Variants in ATP5F1A observed in about 807,000 individuals in gnomAD.
The protein encoded by ATP5F1A is ATP synthase F(1) complex subunit alpha, mitochondrial.
ATP5F1A carries 24 observed loss-of-function variants against 57.4 expected under a neutral mutation model. The observed-to-expected ratio is 0.42, with a 90% CI of 0.30 to 0.59. ATP5F1A has a LOEUF of 0.59. Among genes scored for constraint, ATP5F1A ranks in the 20% least tolerant of loss-of-function variants. ATP5F1A has a pLI of 0.19. For missense variants in ATP5F1A, 494 were observed against 707.9 expected (o/e 0.70, Z 3.43); for synonymous variants, 251 against 255.5 (o/e 0.98, Z 0.17).
At chr18:46,085,964 C>T (rs761096175) in intron 10 of ATP5F1A, 149 bp downstream of exon 10, 1 of 814,112 alleles carries the variant, frequency 1.2e-6, no homozygotes, top group Non-Finnish European at 1.8e-6. Flanking sequence ...AATCAAAAAA[C>T]AAATGTAGTT....
chr18:46,097,739 A>G (rs1005966522), intron 1 of ATP5F1A: 9 of 850,896 alleles, frequency 1.1e-5, no homozygotes, highest in Non-Finnish European at 1.3e-5. Flanking sequence ...CCTTCACACA[A>G]TGTCAGACTC....
chr18:46,081,461 T>TTTA lies in ATP5F1A; in HGVS notation c.*2820_*2821insTAA, dbSNP rs1909732855. On this transcript the variant is annotated 3_prime_UTR_variant, in exon 12 of 12. Transcript: ENST00000398752. ...CGGTGGACCACCTAAGGTCAGGAGTTTGAGACCAGCCTGACCAACATGGAG... is the reference window on the plus strand; with the variant it reads ...CGGTGGACCACCTAAGGTCAGGAGTTTTATGAGACCAGCCTGACCAACATGGAG... 2.0e-5 allele frequency: 3 copies of TTTA among 151,450 alleles called. No homozygotes were observed. In the South Asian group the frequency reaches 6.2e-4, roughly 32 times the overall value. 9.4% of individuals were successfully genotyped at this position (151,450 alleles called of 1,614,324 possible). A position where few individuals can be genotyped will look rare whatever the true frequency, so the allele number is the denominator to read the frequency against.
At chr18:46,098,417 T>A, upstream of ATP5F1A, 3 of 1,364,012 alleles carry the variant, frequency 2.2e-6, no homozygotes, top group Non-Finnish European at 2.8e-6. Flanking sequence ...GGTTACTTAT[T>A]TTTTTATGTA....
Position 46,086,114 on chromosome 18 carries a change from A to G in ATP5F1A, c.1428T>C (p.Tyr476=). ...RLTELLKQGQ[Y]SPMAIEEQVA... is the part of the protein sequence containing the mutation. ...CAAATGAAGAAAAGAACAACTTACA[A>G]TACTGTCCTTGCTTCAGCAACTCAG... The change falls in exon 10 of 12, where the codon TAT becomes TAC. Residue 476 remains tyrosine (Y), a splice_region_variant and synonymous_variant. Transcript: ENST00000398752. The G allele has an allele frequency of 1.9e-6, 3 of 1,612,098 alleles. No homozygotes were observed. The highest frequency in any genetic ancestry group is 2.5e-6 in the Non-Finnish European group (3 of 1,179,954).
chr18:46,098,362 A>AACCCCCCCCCCCCCCCC (rs1555696620), upstream of ATP5F1A: 2 of 1,192,938 alleles, frequency 1.7e-6, no homozygotes, highest in Non-Finnish European at 1.1e-6. Flanking sequence ...CCTCGCGTTC[A>AACCCCCCCCCCCCCCCC]CCACCTCTCC....
rs919026024 is a variant in ATP5F1A, at chr18:46,087,443, G to A, written c.849C>T (p.Ala283=). ...AGTAAGGAGCCAGGTACTGAAGTGGGGCAGCATCCGAGGCCGTAGCCGACA... is the reference window on the plus strand; with the variant it reads ...AGTAAGGAGCCAGGTACTGAAGTGGAGCAGCATCCGAGGCCGTAGCCGACA... ...IVVSATASDA[A]PLQYLAPYSG... The change falls in exon 7 of 12, where the codon GCC becomes GCT. Residue 283 remains alanine (A), a synonymous_variant. Transcript: ENST00000398752. The A allele has an allele frequency of 6.2e-7, 1 of 1,614,150 alleles. No individual in the cohort carries two copies. Among genetic ancestry groups the A allele is most frequent in the Non-Finnish European group, 8.5e-7 (1 of 1,180,030 alleles).
At chr18:46,098,374 C>A (rs1468374884), upstream of ATP5F1A, 6 of 1,222,944 alleles carry the variant, frequency 4.9e-6, no homozygotes, top group Admixed American at 6.7e-5. Context: ...CACCTCTCCC[C>A]CCGCCCCCGC....
At position 46,084,518 on chromosome 18, in the gene ATP5F1A, C is replaced by A. The variant is rs563441821; in HGVS notation, c.1566G>T (p.Leu522Phe). The A allele has an allele frequency of 1.9e-5, 31 of 1,599,090 alleles. No homozygotes were observed. In the South Asian group the frequency reaches 2.2e-4, roughly 11 times the overall value. ...LSHVVSQHQA[L>F]LGTIRADGKI... ...TGCATTCATACCTGATAGTGCCCAACAAGGCTTGGTGCTGGCTGACGACAT... is the reference window on the plus strand; with the variant it reads ...TGCATTCATACCTGATAGTGCCCAAAAAGGCTTGGTGCTGGCTGACGACAT... The change falls in exon 11 of 12, where the codon TTG (leucine) becomes TTT (phenylalanine). Residue 522 changes from leucine (L) to phenylalanine (F), a missense_variant. Around this residue, in one of 6 missense-constraint regions of ATP5F1A, gnomAD observed 127 missense variants for 195.2 expected, o/e 0.65. Coordinates refer to ENST00000398752, the MANE Select transcript of ATP5F1A (RefSeq NM_004046.6).
Position 46,091,800 on chromosome 18 carries a change from G to GT in ATP5F1A, c.190dup (p.Thr64AsnfsTer4). On this transcript the variant is annotated frameshift_variant, in exon 3 of 12. Transcript: ENST00000398752. LOFTEE classifies it high-confidence loss of function. Reference sequence around the variant, plus strand: ...CCCAGTTTCTTCAAGATCAACAGAGGTATCAGCTCCAAGAATACGCTCTTC... The same window carrying GT: ...CCCAGTTTCTTCAAGATCAACAGAGGTTATCAGCTCCAAGAATACGCTCTTC... The GT allele has an allele frequency of 6.2e-7, 1 of 1,613,768 alleles. No individual in the cohort carries two copies. The highest frequency in any genetic ancestry group is 8.5e-7 in the Non-Finnish European group (1 of 1,179,956).
chr18:46,086,935 C>A (rs1910143148), intron 8 of ATP5F1A, 73 bp downstream of exon 8: 4 of 1,454,434 alleles, frequency 2.8e-6, no homozygotes, highest in Non-Finnish European at 3.8e-6. Context: ...AGTCAATATA[C>A]CATTAGTCTC....
chr18:46,093,138 A>T (rs1170180468), intron 2 of ATP5F1A: 1 of 151,900 alleles, frequency 6.6e-6, no homozygotes, highest in African/African-American at 2.4e-5. Flanking sequence ...ACAGAGCAAG[A>T]CTCTATCTCA....
intron 9 of ATP5F1A, 25 bp downstream of exon 9, chr18:46,086,362 T>TA (rs765181266): frequency 6.2e-7 from 1 of 1,613,724 alleles, no homozygotes; most frequent in South Asian, 1.1e-5. Context: ...ATAGCCCCCT[T>TA]ACTGCCAAAG....
chr18:46,090,047 C>A (rs774894514), intron 3 of ATP5F1A, 51 bp from the exon 4 acceptor site: 21 of 1,258,236 alleles, frequency 1.7e-5, no homozygotes, highest in Non-Finnish European at 2.3e-5. Context: ...GGCACTCCTC[C>A]CCATACACCA....
At chr18:46,098,365 ACCTCTC>A, upstream of ATP5F1A, 1 of 1,188,912 alleles carries the variant, frequency 8.4e-7, no homozygotes, top group South Asian at 2.3e-5. Flanking sequence ...CGCGTTCACC[ACCTCTC>A]CCCCCGCCCC....
intron 5 of ATP5F1A, among the ~76,000 whole-genome samples, chr18:46,089,242 G>C (rs775122495): frequency 1.3e-5 from 2 of 152,228 alleles, no homozygotes; most frequent in African/African-American, 2.4e-5. Flanking sequence ...TATTTTCTCA[G>C]TCTCTCAACC....
In ATP5F1A at chr18:46,089,757, C is replaced by T. The variant is rs745621903; in HGVS notation, c.484-25G>A. 8 of 1,612,928 alleles carry T rather than the reference C, an allele frequency of 5.0e-6. No individual in the cohort carries two copies. In the South Asian group the frequency reaches 6.6e-5, roughly 13 times the overall value. ...CCTGTTAAAAAATAAAAAGAAAAAC[C>T]CTAAGCATAATCAGTTTTGATGTTT... On this transcript the variant is annotated intron_variant, in intron 4 of 11. Coordinates refer to ENST00000398752, the MANE Select transcript of ATP5F1A (RefSeq NM_004046.6).
chr18:46,096,715 C>CCT (rs1555696344), intron 1 of ATP5F1A, among the ~76,000 whole-genome samples: 1 of 151,914 alleles, frequency 6.6e-6, no homozygotes, highest in East Asian at 1.9e-4. Flanking sequence ...GGCACGACGG[C>CCT]TCATGCTTGT....
chr18:46,092,002 T>G, intron 2 of ATP5F1A, 151 bp from the exon 3 acceptor site: 1 of 565,058 alleles, frequency 1.8e-6, no homozygotes, highest in Non-Finnish European at 2.9e-6. Context: ...GAGAACCCTG[T>G]CTCTACTAAA....
chr18:46,085,973 T>C (rs1465797048), intron 10 of ATP5F1A, 140 bp downstream of exon 10: 5 of 928,102 alleles, frequency 5.4e-6, no homozygotes, highest in African/African-American at 1.7e-5. Context: ...ACAAATGTAG[T>C]TTAAGTAAAA....
Sources: allele counts gnomAD v4.1 joint callset (sites outside exome capture counted in the v4.1 genomes callset), GRCh38; gene constraint gnomAD v4.1.1; regional missense constraint gnomAD v4.1.1; transcripts MANE v1.5; gene names NCBI Gene and HGNC (gene_info 2026-07-23, HGNC 2026-07-21).